The following RPAIN variants were observed in gnomAD, a reference collection of about 807,000 sequenced individuals.
The protein encoded by RPAIN is RPA interacting protein, also known as RPA-interacting protein.
A neutral mutation model predicts 30.5 loss-of-function variants in RPAIN; 29 were observed. That is an observed-to-expected ratio of 0.95 (90% CI 0.71 to 1.30). The LOEUF is 1.30. Among genes scored for constraint, RPAIN ranks in the 50% most tolerant of loss-of-function variants. The probability of loss-of-function intolerance (pLI) is 0.00; values close to 1 mark genes in which losing one functional copy is unlikely to be tolerated. For synonymous variants in RPAIN, 101 were observed against 93.5 expected (o/e 1.08, Z -0.46); for missense variants, 247 against 264.7 (o/e 0.93, Z 0.46).
chr17:5,422,004 T>A (rs1423867509), intron 2 of RPAIN: 1 of 152,204 alleles, frequency 6.6e-6, no homozygotes, highest in Non-Finnish European at 1.5e-5. Context: ...GCCAGGCTGG[T>A]CTTGAACGCC....
intron 6 of RPAIN, chr17:5,431,313 CCT>C (rs1341067667): frequency 1.1e-5 from 4 of 379,700 alleles, no homozygotes; most frequent in South Asian, 4.0e-5. Context: ...ATGGTGAAAC[CCT>C]GTCTCTACTA....
chr17:5,429,866 A>C, intron 6 of RPAIN: 1 of 806,100 alleles, frequency 1.2e-6, no homozygotes, highest in Non-Finnish European at 1.5e-6. Context: ...CTGATTCCTC[A>C]CAAGGAATTG....
intron 5 of RPAIN, chr17:5,427,105 C>T (rs1915472150): frequency 2.0e-5 from 3 of 152,040 alleles, no homozygotes; most frequent in African/African-American, 7.2e-5. Flanking sequence ...TTGAGTGGGG[C>T]CCTGCTGATT....
In RPAIN at chr17:5,426,037, TGGCTGAGTGGGA is replaced by T; in HGVS notation, c.384_395del (p.Glu129_Ala132del). 1 of 1,613,998 alleles carries T rather than the reference TGGCTGAGTGGGA, an allele frequency of 6.2e-7. No homozygotes were observed. The highest frequency in any genetic ancestry group is 8.5e-7 in the Non-Finnish European group (1 of 1,179,922). ...GATGAAAAGTGTCTCAGCATCATGCTGGCTGAGTGGGAGGCAAACCCACTCATCTGTCCTGTA... is the reference window on the plus strand; with the variant it reads ...GATGAAAAGTGTCTCAGCATCATGCTGGCAAACCCACTCATCTGTCCTGTA... On this transcript the variant is annotated inframe_deletion, in exon 4 of 7. Coordinates refer to ENST00000381209, the MANE Select transcript of RPAIN (RefSeq NM_001033002.4).
intron 6 of RPAIN, chr17:5,432,074 T>G (rs1214977425): frequency 4.5e-6 from 1 of 220,840 alleles, no homozygotes; most frequent in African/African-American, 2.3e-5. Context: ...AGTTTTACAC[T>G]CAGGTGCTTA....
chr17:5,432,619 C>T lies in RPAIN; in HGVS notation c.*48C>T. On this transcript the variant is annotated 3_prime_UTR_variant, in exon 7 of 7. Transcript: ENST00000381209. ...TCTATGGGGTTGAAGACAACTCATTCCCTCTGAGGAGCCTTGTACATACAA... is the reference window on the plus strand; with the variant it reads ...TCTATGGGGTTGAAGACAACTCATTTCCTCTGAGGAGCCTTGTACATACAA... 1.3e-6 allele frequency: 2 copies of T among 1,537,628 alleles called. No individual in the cohort carries two copies. The highest frequency in any genetic ancestry group is 2.2e-5 in the South Asian group (2 of 89,348).
chr17:5,421,821 TGTCGCCCAGGCTGGAGTGCAGTGGCAAG>T (rs1914878081), intron 2 of RPAIN: 1 of 157,566 alleles, frequency 6.3e-6, no homozygotes, highest in Non-Finnish European at 1.4e-5. Context: ...TGTCTTGCTC[TGTCGCCCAGGCTGGAGTGCAGTGGCAAG>T]ATCTCGGCTC....
At chr17:5,430,537 C>T (rs1422298909) in intron 6 of RPAIN, 1 of 152,232 alleles carries the variant, frequency 6.6e-6, no homozygotes, top group African/African-American at 2.4e-5. Flanking sequence ...GTCTGTGTTA[C>T]CATTCTCAAT....
chr17:5,423,737 A>G (rs1364368705), intron 3 of RPAIN, among the ~76,000 whole-genome samples: 3 of 151,934 alleles, frequency 2.0e-5, no homozygotes, highest in Non-Finnish European at 4.4e-5. Flanking sequence ...TGTAGCCCTG[A>G]TTTGATTAGG....
In RPAIN at chr17:5,422,967, C is replaced by G. The variant is rs1437609961; in HGVS notation, c.313+138C>G. ...GTGTCCAAAAGACTCCTTTTGTACTCTGACATCTTGGCTGTCTAGCTTCTC... is the reference window on the plus strand; with the variant it reads ...GTGTCCAAAAGACTCCTTTTGTACTGTGACATCTTGGCTGTCTAGCTTCTC... On this transcript the variant is annotated intron_variant, in intron 3 of 6. Transcript: ENST00000381209. The G allele has an allele frequency of 1.1e-5, 7 of 650,458 alleles. No individual in the cohort carries two copies. The African/African-American group carries it at 1.3e-4, about 12-fold the overall frequency. The allele number at this position is 650,458 out of a possible 1,614,324, so 40.3% of individuals were successfully genotyped here. A position where few individuals can be genotyped will look rare whatever the true frequency, so the allele number is the denominator to read the frequency against.
intron 5 of RPAIN, chr17:5,427,158 CAG>C (rs566466934): frequency 3.1e-4 from 47 of 152,132 alleles, no homozygotes; most frequent in African/African-American, 1.0e-3. Context: ...TTATTTGAGA[CAG>C]AGTCTCACTC....
intron 5 of RPAIN, chr17:5,426,720 A>G (rs1915431101): frequency 6.9e-6 from 1 of 143,944 alleles, no homozygotes; most frequent in Non-Finnish European, 1.5e-5. Context: ...GGCTCACTGC[A>G]ACCTCTGCCT....
At chr17:5,422,729 T>G in intron 2 of RPAIN, 40 bp from the exon 3 acceptor site, 2 of 1,593,270 alleles carry the variant, frequency 1.3e-6, no homozygotes, top group Non-Finnish European at 1.7e-6. Context: ...GGTTGGTGAT[T>G]AATACTTCAA....
At chr17:5,425,047 C>T (rs1448632084) in intron 3 of RPAIN, 1 of 274,728 alleles carries the variant, frequency 3.6e-6, no homozygotes, top group African/African-American at 2.3e-5. Context: ...CTTTAGACTT[C>T]ACAGACCATG....
chr17:5,425,088 G>A (rs1440686814), intron 3 of RPAIN: 1 of 301,930 alleles, frequency 3.3e-6, no homozygotes, highest in Non-Finnish European at 6.4e-6. Flanking sequence ...CAGCTCTGCA[G>A]TTCTAGTGGA....
chr17:5,432,047 C>T (rs985059063), intron 6 of RPAIN: 1 of 219,388 alleles, frequency 4.6e-6, no homozygotes, highest in African/African-American at 2.3e-5. Context: ...GGCTGAGCCA[C>T]CCAGGAGTCG....
At chr17:5,422,884 A>T (rs1915012502) in intron 3 of RPAIN, 55 bp downstream of exon 3, 3 of 1,368,546 alleles carry the variant, frequency 2.2e-6, no homozygotes, top group Admixed American at 3.4e-5. Context: ...GAATACTGTG[A>T]CCTTTCCTCC....
At chr17:5,425,844 T>A in intron 3 of RPAIN, 127 bp from the exon 4 acceptor site, 2 of 625,444 alleles carry the variant, frequency 3.2e-6, no homozygotes, top group South Asian at 3.8e-5. Flanking sequence ...TAAAAACCAG[T>A]CATTGGTATT....
chr17:5,420,802 T>C (rs1914703695), intron 1 of RPAIN, among the ~76,000 whole-genome samples: 1 of 152,194 alleles, frequency 6.6e-6, no homozygotes, highest in Non-Finnish European at 1.5e-5. Flanking sequence ...GAGATATTTA[T>C]ATGTTGTGGA....
Sources: allele counts gnomAD v4.1 joint callset (sites outside exome capture counted in the v4.1 genomes callset), GRCh38; gene constraint gnomAD v4.1.1; transcripts MANE v1.5; gene names NCBI Gene and HGNC (gene_info 2026-07-23, HGNC 2026-07-21).